PPP2R2C: variants seen among roughly 807,000 people sequenced by gnomAD.
PPP2R2C encodes protein phosphatase 2, regulatory subunit B, gamma.
A neutral mutation model predicts 45.3 loss-of-function variants in PPP2R2C; 10 were observed. The ratio of observed to expected loss-of-function variants is 0.22; its 90% CI spans 0.14 to 0.37. The LOEUF is 0.37. Among genes scored for constraint, PPP2R2C ranks in the 10% least tolerant of loss-of-function variants. The pLI, the probability that PPP2R2C is intolerant of heterozygous loss-of-function variation, is 1.00. For missense variants in PPP2R2C, 308 were observed against 619.7 expected (o/e 0.50, Z 5.34); for synonymous variants, 257 against 245.4 (o/e 1.05, Z -0.44).
intron 3 of PPP2R2C, among the ~76,000 whole-genome samples, chr4:6,377,988 G>T (rs1335479088): frequency 6.6e-6 from 1 of 152,220 alleles, no homozygotes; most frequent in Non-Finnish European, 1.5e-5. Flanking sequence ...GATTCGGCGT[G>T]GGGAGGAGGG....
At chr4:6,472,035 TG>T in intron 1 of PPP2R2C, 124 bp downstream of exon 1, 1 of 902,826 alleles carries the variant, frequency 1.1e-6, no homozygotes, top group Non-Finnish European at 1.5e-6. Context: ...TGGGATGGGG[TG>T]GGGTGGGGTG....
chr4:6,337,752 T>C (rs182468498), intron 6 of PPP2R2C, among the ~76,000 whole-genome samples: 21 of 152,198 alleles, frequency 1.4e-4, no homozygotes, highest in Non-Finnish European at 2.6e-4. Flanking sequence ...GAGAGAACAA[T>C]TGAATCGATA....
chr4:6,423,473 G>A lies in PPP2R2C; in HGVS notation c.71-42379C>T, dbSNP rs367986763. ...CCCACCTCAGCCTCCCAAAGTGCTG[G>A]GATTATAGGCATTAGCCACCACACC... is the stretch of plus-strand genomic sequence containing the variant. On this transcript the variant is annotated intron_variant, in intron 1 of 8. Coordinates refer to ENST00000382599, the MANE Select transcript of PPP2R2C (RefSeq NM_020416.4). Among the ~76,000 whole-genome samples, 33 of 152,270 alleles carry A rather than the reference G, an allele frequency of 2.2e-4. No homozygotes were observed. The South Asian group carries it at 6.8e-3, about 32-fold the overall frequency.
At chr4:6,346,195 C>T (rs575236180) in intron 6 of PPP2R2C, among the ~76,000 whole-genome samples, 1 of 152,214 alleles carries the variant, frequency 6.6e-6, no homozygotes, top group Non-Finnish European at 1.5e-5. Context: ...CGCCTGCTCC[C>T]CCGGGGACCC....
At chr4:6,436,232 T>C (rs2109419022) in intron 1 of PPP2R2C, among the ~76,000 whole-genome samples, 1 of 152,376 alleles carries the variant, frequency 6.6e-6, no homozygotes, top group African/African-American at 2.4e-5. Flanking sequence ...TATGGTATTC[T>C]GCTATAGCAG....
At chr4:6,495,264 C>T (rs922315577) in intron 2 of PPP2R2C, among the ~76,000 whole-genome samples, 9 of 152,216 alleles carry the variant, frequency 5.9e-5, no homozygotes, top group South Asian at 2.1e-4. Context: ...ATCAAGCCAT[C>T]GTCGGCACAG....
chr4:6,352,264 T>C (rs1313051287), intron 5 of PPP2R2C, among the ~76,000 whole-genome samples: 2 of 152,190 alleles, frequency 1.3e-5, no homozygotes, highest in Non-Finnish European at 2.9e-5. Flanking sequence ...TGGTCTTGGC[T>C]GTTACTGGAA....
intron 2 of PPP2R2C, among the ~76,000 whole-genome samples, chr4:6,492,149 C>T (rs1311699191): frequency 6.6e-6 from 1 of 152,304 alleles, no homozygotes; most frequent in Non-Finnish European, 1.5e-5. Flanking sequence ...GGCCCTGGGG[C>T]TTAAACTCCA....
chr4:6,523,616 G>A (rs1724095799), intron 2 of PPP2R2C: 1 of 152,212 alleles, frequency 6.6e-6, no homozygotes, highest in East Asian at 1.9e-4. Context: ...ACACTGCTGG[G>A]GGCAGGTGAA....
intron 1 of PPP2R2C, chr4:6,384,437 C>T: frequency 2.6e-5 from 26 of 984,580 alleles, no homozygotes; most frequent in Non-Finnish European, 3.0e-5. Flanking sequence ...ATTTCCTCCT[C>T]TTTCAACTTG....
chr4:6,549,957 C>G (rs1036704597), intron 1 of PPP2R2C, among the ~76,000 whole-genome samples: 3 of 152,152 alleles, frequency 2.0e-5, no homozygotes, highest in African/African-American at 7.2e-5. Context: ...AGTGACATAA[C>G]CAGCCCTCAC....
intron 2 of PPP2R2C, among the ~76,000 whole-genome samples, chr4:6,511,009 A>C (rs1397905291): frequency 3.4e-5 from 5 of 149,094 alleles, no homozygotes; most frequent in Non-Finnish European, 5.9e-5. Flanking sequence ...AAAAAAAAAA[A>C]CAGAAAATGT....
intron 1 of PPP2R2C, among the ~76,000 whole-genome samples, chr4:6,552,903 G>T (rs1194125324): frequency 6.6e-6 from 1 of 152,202 alleles, no homozygotes; most frequent in African/African-American, 2.4e-5. Flanking sequence ...GTTTCAGGAT[G>T]AATGGCCACA....
chr4:6,554,954 A>C (rs548790326), intron 1 of PPP2R2C, among the ~76,000 whole-genome samples: 1 of 124,828 alleles, frequency 8.0e-6, no homozygotes, highest in Non-Finnish European at 1.7e-5. Flanking sequence ...AAAGAAAGAA[A>C]GAAAGAAAGA....
At chr4:6,415,109 G>A (rs1378996131) in intron 1 of PPP2R2C, among the ~76,000 whole-genome samples, 3 of 152,260 alleles carry the variant, frequency 2.0e-5, no homozygotes, top group African/African-American at 7.2e-5. Flanking sequence ...CAGAGCCGCT[G>A]CCTCACAGTG....
At chr4:6,381,292 T>C in intron 1 of PPP2R2C, 198 bp from the exon 2 acceptor site, 2 of 1,528,296 alleles carry the variant, frequency 1.3e-6, no homozygotes, top group South Asian at 1.2e-5. Flanking sequence ...TCCTCTTCCC[T>C]CTGCACTGGC....
chr4:6,485,260 G>A (rs1033822890), intron 2 of PPP2R2C, among the ~76,000 whole-genome samples: 3 of 151,790 alleles, frequency 2.0e-5, no homozygotes, highest in Non-Finnish European at 4.4e-5. Context: ...AACCCACTTG[G>A]CTATGATGTA....
chr4:6,430,941 CAACA>C (rs1431287899), intron 1 of PPP2R2C, among the ~76,000 whole-genome samples: 6 of 5,616 alleles, frequency 1.1e-3, no homozygotes, highest in Non-Finnish European at 3.8e-3. Flanking sequence ...ACAACAACAA[CAACA>C]AAAAAAAAAC....
chr4:6,455,004 T>A (rs1179347137), intron 1 of PPP2R2C, among the ~76,000 whole-genome samples: 1 of 151,998 alleles, frequency 6.6e-6, no homozygotes, highest in Non-Finnish European at 1.5e-5. Flanking sequence ...CCAAGCCCCA[T>A]CTCCTGTCAG....
Sources: gnomAD v4.1 joint callset for allele counts (sites outside exome capture counted in the v4.1 genomes callset) on GRCh38, gnomAD v4.1.1 for gene constraint, MANE v1.5 for transcripts, NCBI Gene and HGNC (gene_info 2026-07-23, HGNC 2026-07-21) for gene names.